FBXO38: variants seen among roughly 807,000 people sequenced by gnomAD.
FBXO38 encodes the protein F-box only protein 38.
FBXO38 carries 53 observed loss-of-function variants against 131.9 expected under a neutral mutation model. The observed-to-expected ratio is 0.40, with a 90% confidence interval of 0.32 to 0.51. The LOEUF is 0.51. FBXO38 is among the 20% of genes least tolerant of loss of function. FBXO38 has a pLI of 0.53. For synonymous variants in FBXO38, 452 were observed against 505.6 expected, an observed-to-expected ratio of 0.89 and a Z score of 1.42; for missense variants, 1,076 against 1,475.6, an observed-to-expected ratio of 0.73 and a Z score of 4.44.
In FBXO38 at chr5:148,406,200, G is replaced by A. The variant is rs115335406; in HGVS notation, c.731-57G>A. On this transcript the variant is annotated intron_variant, in intron 6 of 21. Transcript: ENST00000340253. ...AGTTATACATGTCTTTCACTGATTT[G>A]AAATTCATTTTAAGGCACTTTACAT... 3.3e-3 allele frequency: 4,822 copies of A among 1,441,942 alleles called. 144 individuals are homozygous for A. In the African/African-American group the frequency reaches 0.062, roughly 19 times the overall value. 89.3% of individuals were successfully genotyped at this position (1,441,942 alleles called of 1,614,324 possible).
chr5:148,437,700 A>T, intron 17 of FBXO38, among the ~76,000 whole-genome samples: 1 of 152,190 alleles, frequency 6.6e-6, no homozygotes, highest in Non-Finnish European at 1.5e-5. Context: ...AAATGTGTTT[A>T]TTATATCAAA....
At chr5:148,409,304 A>C (rs1334945406) in intron 8 of FBXO38, 87 bp downstream of exon 8, 5 of 838,600 alleles carry the variant, frequency 6.0e-6, no homozygotes, top group Non-Finnish European at 1.0e-5. Flanking sequence ...ATGTGTGTGT[A>C]TATATGTGTG....
At chr5:148,425,421 C>T (rs1753654962) in intron 13 of FBXO38, 101 bp from the exon 14 acceptor site, 11 of 898,282 alleles carry the variant, frequency 1.2e-5, no homozygotes, top group Non-Finnish European at 1.7e-5. Context: ...TGTATAGAGC[C>T]ACAAAGCATC....
In FBXO38 at chr5:148,397,016, G is replaced by A. The variant is rs919200186; in HGVS notation, c.129-1983G>A. Among the ~76,000 whole-genome samples, 4 of 152,160 alleles carry A rather than the reference G, an allele frequency of 2.6e-5. No homozygotes were observed. The East Asian group carries it at 7.7e-4, about 29-fold the overall frequency. ...TCAATATATAATGGTAGTTACAGTG[G>A]AGAAAACAGCATTTGACAGCACGTA... On this transcript the variant is annotated intron_variant, in intron 2 of 21. Transcript: ENST00000340253.
chr5:148,404,754 C>T lies in FBXO38; in HGVS notation c.662C>T (p.Thr221Ile). ...CTTTATATGAAGTGGGTAAGACTCA[C>T]TAAACCACAGCCATTTAAAGACTTC... The part of the protein sequence containing the change: ...RHLYMKWVRL[T>I]KPQPFKDFLC... The change falls in exon 6 of 22, where the codon ACT becomes ATT. Residue 221 changes from threonine to isoleucine, a missense_variant. Around this residue, in one of 8 missense-constraint regions of FBXO38, gnomAD observed 66 missense variants for 72.4 expected, o/e 0.91. Coordinates refer to ENST00000340253, the MANE Select transcript of FBXO38 (RefSeq NM_205836.3). 6 of 1,608,152 alleles carry T rather than the reference C, an allele frequency of 3.7e-6. No homozygotes were observed. Among genetic ancestry groups the T allele is most frequent in the Non-Finnish European group, 5.1e-6 (6 of 1,178,128 alleles).
intron 9 of FBXO38, among the ~76,000 whole-genome samples, chr5:148,412,684 C>G (rs534466465): frequency 6.6e-6 from 1 of 152,152 alleles, no homozygotes; most frequent in African/African-American, 2.4e-5. Flanking sequence ...CTGTCTGCTA[C>G]TAATCATGAG....
chr5:148,393,237 TGAG>T (rs1052769750), intron 1 of FBXO38, among the ~76,000 whole-genome samples: 2 of 67,888 alleles, frequency 2.9e-5, no homozygotes, highest in Middle Eastern at 7.8e-3. Context: ...GTGTGTGTGA[TGAG>T]AGGCAAGCAT....
chr5:148,394,918 T>C lies in FBXO38; in HGVS notation c.128+14T>C, dbSNP rs1454274318. 10 of 1,559,856 alleles carry C rather than the reference T, an allele frequency of 6.4e-6. No homozygotes were observed. The African/African-American group carries it at 1.2e-4, about 19-fold the overall frequency. ...CCATATTTTTAGGTAAGATTGTGTT[T>C]GGTTGGCTTACCTGCCTGGAATGGA... On this transcript the variant is annotated intron_variant, in intron 2 of 21. Coordinates refer to ENST00000340253, the MANE Select transcript of FBXO38 (RefSeq NM_205836.3).
At chr5:148,407,932 AAAGAG>A (rs994601540) in intron 7 of FBXO38, among the ~76,000 whole-genome samples, 1 of 152,054 alleles carries the variant, frequency 6.6e-6, no homozygotes, top group Non-Finnish European at 1.5e-5. Context: ...CTCAAAAAAA[AAAGAG>A]AGAGAGAGAG....
At chr5:148,410,854 T>TCAAAAAGACA in intron 9 of FBXO38, 89 bp downstream of exon 9, 3 of 1,267,604 alleles carry the variant, frequency 2.4e-6, no homozygotes, top group Non-Finnish European at 3.3e-6. Flanking sequence ...CCATGTCTTT[T>TCAAAAAGACA]TGAACATAAG....
rs756919921 is a variant in FBXO38 at position 148,410,656 on chromosome 5, G to A, written c.984G>A (p.Gln328=). The change falls in exon 9 of 22, where the codon CAG becomes CAA. Residue 328 remains glutamine (Q), a synonymous_variant. Transcript: ENST00000340253. The part of the protein sequence containing the change: ...AARRLHEVRI[Q]PSLTKDGVFS... The stretch of plus-strand genomic sequence containing the variant: ...ACAGGTTACATGAAGTTCGGATCCA[G>A]CCTTCCCTAACCAAAGATGGTGTCT... The A allele has an allele frequency of 1.9e-6, 3 of 1,614,098 alleles. No homozygotes were observed. The Admixed American group carries it at 5.0e-5, about 27-fold the overall frequency.
At chr5:148,425,435 G>T (rs1305670185) in intron 13 of FBXO38, 87 bp from the exon 14 acceptor site, 17 of 1,049,440 alleles carry the variant, frequency 1.6e-5, no homozygotes, top group Non-Finnish European at 2.3e-5. Context: ...AAGCATCTCT[G>T]TTGATTCCAG....
rs1438365912 is a variant in FBXO38 at position 148,394,766 on chromosome 5, A to C, written c.-11A>C. On this transcript the variant is annotated 5_prime_UTR_variant, in exon 2 of 22. Coordinates refer to ENST00000340253, the MANE Select transcript of FBXO38 (RefSeq NM_205836.3). ...GAAGATTTTCTCGTTGATACTGGAG[A>C]CTGCACAACAATGGGGCCACGAAAG... 1.3e-6 allele frequency: 2 copies of C among 1,536,266 alleles called. No homozygotes were observed. Among genetic ancestry groups the C allele is most frequent in the African/African-American group, 2.8e-5 (2 of 71,024 alleles).
At position 148,427,429 on chromosome 5, in the gene FBXO38, T is replaced by C; in HGVS notation, c.2135T>C (p.Val712Ala). 6.2e-7 allele frequency: 1 copy of C among 1,614,016 alleles called. No homozygotes were observed. The highest frequency in any genetic ancestry group is 8.5e-7 in the Non-Finnish European group (1 of 1,179,944). Reference protein sequence around the residue: ...PSCSSTTASTVGNSSSHNTAS... With the variant: ...PSCSSTTASTAGNSSSHNTAS... ...TGCAGCAGCACCACCGCCAGCACAG[T>C]GGGAAACTCCAGCTCACACAACACT... The change falls in exon 15 of 22, where the codon GTG (valine) becomes GCG (alanine). Residue 712 changes from valine to alanine, a missense_variant. Val to Ala is a moderately conservative substitution (Grantham distance 64). This residue lies in a region of FBXO38 where 213 missense variants were observed against 225.2 expected (regional missense o/e 0.95). Transcript: ENST00000340253.
At chr5:148,439,289 A>T (rs1754534955) in intron 18 of FBXO38, among the ~76,000 whole-genome samples, 1 of 152,266 alleles carries the variant, frequency 6.6e-6, no homozygotes, top group Non-Finnish European at 1.5e-5. Context: ...TCATTTGAAT[A>T]GGGTATATGT....
rs572355922 is a variant in FBXO38, at chr5:148,439,862, C to A, written c.3170+70C>A. The A allele has an allele frequency of 1.2e-3, 1,764 of 1,457,204 alleles. 3 individuals carry two copies. Among genetic ancestry groups the A allele is most frequent in the Non-Finnish European group, 1.5e-3 (1,628 of 1,063,836 alleles). The allele number at this position is 1,457,204 out of a possible 1,614,324, so 90.3% of individuals were successfully genotyped here. A position where few individuals can be genotyped will look rare whatever the true frequency, so the allele number is the denominator to read the frequency against. ...ATAGCAGGGACTCCCAGAAGCAAATCCCAATTTTTCTTTATTTTAAATGAT... is the reference window on the plus strand; with the variant it reads ...ATAGCAGGGACTCCCAGAAGCAAATACCAATTTTTCTTTATTTTAAATGAT... On this transcript the variant is annotated intron_variant, in intron 19 of 21. Transcript: ENST00000340253.
At chr5:148,431,435 A>G (rs1431684820) in intron 15 of FBXO38, among the ~76,000 whole-genome samples, 19 of 152,232 alleles carry the variant, frequency 1.2e-4, no homozygotes, top group Admixed American at 1.2e-3. Context: ...CCTGGAGAGC[A>G]GGAAACTTTA....
At chr5:148,433,599 G>C in intron 16 of FBXO38, 36 bp from the exon 17 acceptor site, 1 of 1,551,486 alleles carries the variant, frequency 6.4e-7, no homozygotes, top group East Asian at 2.3e-5. Flanking sequence ...ACTAAAGTTT[G>C]TATCTTTATA....
At position 148,425,505 on chromosome 5, in the gene FBXO38, C is replaced by G. The variant is rs1164401974; in HGVS notation, c.1739-17C>G. On this transcript the variant is annotated splice_polypyrimidine_tract_variant and intron_variant, in intron 13 of 21. Coordinates refer to ENST00000340253, the MANE Select transcript of FBXO38 (RefSeq NM_205836.3). ...CTTGCGCAAAAAGTAACTGTTAGGC[C>G]TGTGCTTTTTTTTAAGGACCCAGTG... 3.7e-6 allele frequency: 6 copies of G among 1,603,908 alleles called. No homozygotes were observed. The highest frequency in any genetic ancestry group is 5.1e-6 in the Non-Finnish European group (6 of 1,172,374).
Sources: allele counts gnomAD v4.1 joint callset (sites outside exome capture counted in the v4.1 genomes callset), GRCh38; gene constraint gnomAD v4.1.1; regional missense constraint gnomAD v4.1.1; transcripts MANE v1.5; gene names NCBI Gene and HGNC (gene_info 2026-07-23, HGNC 2026-07-21).